ERBB4: variants seen among roughly 807,000 people sequenced by gnomAD.
The protein encoded by ERBB4 is erb-b2 receptor tyrosine kinase 4, also known as receptor tyrosine-protein kinase erbB-4.
Under a neutral mutation model 158.0 loss-of-function variants are expected in ERBB4, and 42 were observed. The ratio of observed to expected loss-of-function variants is 0.27; its 90% confidence interval spans 0.21 to 0.34. ERBB4 has a LOEUF of 0.34. ERBB4 is among the 10% of genes least tolerant of loss of function. ERBB4 has a pLI of 1.00. For synonymous variants in ERBB4, 583 were observed against 558.7 expected (o/e 1.04, Z -0.61); for missense variants, 1,333 against 1,624.1 (o/e 0.82, Z 3.08).
intron 2 of ERBB4, among the ~76,000 whole-genome samples, chr2:212,056,609 G>A (rs1341462505): frequency 6.6e-6 from 1 of 152,230 alleles, no homozygotes; most frequent in Non-Finnish European, 1.5e-5. Flanking sequence ...ACAGAAGAGA[G>A]TGGAGACCAA....
chr2:211,688,675 G>A (rs1298569920), intron 12 of ERBB4, among the ~76,000 whole-genome samples: 1 of 151,864 alleles, frequency 6.6e-6, no homozygotes, highest in African/African-American at 2.4e-5. Flanking sequence ...GCTGTTTCTT[G>A]TTTACAGACA....
At chr2:211,449,622 T>G (rs1467935035) in intron 20 of ERBB4, among the ~76,000 whole-genome samples, 1 of 152,190 alleles carries the variant, frequency 6.6e-6, no homozygotes, top group African/African-American at 2.4e-5. Context: ...CTAATTAATA[T>G]GTATCATGTA....
At chr2:211,928,056 A>T (rs145961904) in intron 3 of ERBB4, among the ~76,000 whole-genome samples, 269 of 152,268 alleles carry the variant, frequency 1.8e-3, no homozygotes, top group African/African-American at 6.3e-3. Flanking sequence ...AATTCAGGAA[A>T]GGTCTGCTTT....
chr2:212,323,069 C>T (rs1443095001), intron 1 of ERBB4, among the ~76,000 whole-genome samples: 1 of 150,238 alleles, frequency 6.7e-6, no homozygotes, highest in East Asian at 1.9e-4. Flanking sequence ...ATAGAGTAAT[C>T]CTTTATACAC....
intron 1 of ERBB4, among the ~76,000 whole-genome samples, chr2:212,181,484 A>C (rs2081862532): frequency 6.6e-6 from 1 of 151,700 alleles, no homozygotes; most frequent in Non-Finnish European, 1.5e-5. Flanking sequence ...TAATTTCAAT[A>C]TGAAAATTTT....
intron 2 of ERBB4, among the ~76,000 whole-genome samples, chr2:212,088,362 G>A (rs1187216041): frequency 6.6e-6 from 1 of 152,016 alleles, no homozygotes. Context: ...GGAAGATGTG[G>A]GTTTTAAAGA....
At chr2:211,524,185 C>T (rs2066270442) in intron 20 of ERBB4, among the ~76,000 whole-genome samples, 1 of 152,098 alleles carries the variant, frequency 6.6e-6, no homozygotes, top group South Asian at 2.1e-4. Flanking sequence ...TAGCTAGATA[C>T]AGAGTGTCGA....
intron 1 of ERBB4, among the ~76,000 whole-genome samples, chr2:212,289,670 A>AT (rs1328962751): frequency 1.3e-5 from 2 of 152,172 alleles, no homozygotes; most frequent in Non-Finnish European, 2.9e-5. Context: ...TGAGGGCAGA[A>AT]TTTAGGCTAC....
At chr2:212,185,021 C>CTTTTTTTTTTTCTTTT (rs1553584050) in intron 1 of ERBB4, among the ~76,000 whole-genome samples, 2,656 of 132,124 alleles carry the variant, frequency 0.02, 114 homozygotes, top group African/African-American at 0.07. Context: ...ACTTTTTTTT[C>CTTTTTTTTTTTCTTTT]TTTTTTTTTT....
intron 2 of ERBB4, among the ~76,000 whole-genome samples, chr2:212,009,356 G>A (rs752490987): frequency 6.6e-6 from 1 of 151,716 alleles, no homozygotes; most frequent in Non-Finnish European, 1.5e-5. Flanking sequence ...AAAACCATGT[G>A]AAGATAGAGA....
chr2:212,476,177 A>ACACACC (rs1560431264), intron 1 of ERBB4, among the ~76,000 whole-genome samples: 1 of 150,116 alleles, frequency 6.7e-6, no homozygotes, highest in Non-Finnish European at 1.5e-5. Context: ...ACACACACAC[A>ACACACC]CCTTTAATGA....
chr2:211,822,227 T>C (rs535384564), intron 3 of ERBB4, among the ~76,000 whole-genome samples: 60 of 152,022 alleles, frequency 3.9e-4, no homozygotes, highest in Admixed American at 1.1e-3. Context: ...AATTCTACTG[T>C]TCTACAGCAC....
intron 1 of ERBB4, among the ~76,000 whole-genome samples, chr2:212,234,998 T>G (rs773506291): frequency 3.3e-5 from 5 of 152,180 alleles, no homozygotes; most frequent in Non-Finnish European, 7.3e-5. Context: ...ATTTATCAAT[T>G]TTGGCTTGCG....
chr2:211,394,350 T>A (rs2125336676), intron 25 of ERBB4, among the ~76,000 whole-genome samples: 1 of 152,322 alleles, frequency 6.6e-6, no homozygotes, highest in Admixed American at 6.5e-5. Flanking sequence ...TTTACCCTGG[T>A]GCAAGTTCTG....
chr2:212,390,515 T>G (rs911546287), intron 1 of ERBB4, among the ~76,000 whole-genome samples: 2 of 151,844 alleles, frequency 1.3e-5, no homozygotes, highest in African/African-American at 2.4e-5. Context: ...TATTCTTTTT[T>G]CTTTTGCTTC....
intron 1 of ERBB4, among the ~76,000 whole-genome samples, chr2:212,219,546 A>G (rs1217664156): frequency 1.3e-5 from 2 of 151,230 alleles, no homozygotes; most frequent in Non-Finnish European, 3.0e-5. Context: ...ACCTTCTCCC[A>G]CTTGTGTTAG....
At chr2:211,795,220 A>C (rs2076357767) in intron 3 of ERBB4, among the ~76,000 whole-genome samples, 1 of 151,820 alleles carries the variant, frequency 6.6e-6, no homozygotes, top group Admixed American at 6.6e-5. Flanking sequence ...TTTGAATTGT[A>C]AAGGCAATAA....
chr2:211,982,618 G>C (rs2081833787), intron 2 of ERBB4, among the ~76,000 whole-genome samples: 1 of 152,104 alleles, frequency 6.6e-6, no homozygotes. Context: ...AGGAATACTG[G>C]GAGTCCTTTC....
At chr2:211,441,886 C>T (rs1201420839) in intron 20 of ERBB4, among the ~76,000 whole-genome samples, 1 of 152,142 alleles carries the variant, frequency 6.6e-6, no homozygotes, top group Admixed American at 6.5e-5. Flanking sequence ...TTTAGATACT[C>T]ATTCCATAAA....
Sources: allele counts gnomAD v4.1 joint callset (sites outside exome capture counted in the v4.1 genomes callset), GRCh38; gene constraint gnomAD v4.1.1; transcripts MANE v1.5; gene names NCBI Gene and HGNC (gene_info 2026-07-23, HGNC 2026-07-21).